CCDC7: variants seen among roughly 807,000 people sequenced by gnomAD.
CCDC7 encodes coiled-coil domain-containing protein 7.
A neutral mutation model predicts 196.9 loss-of-function variants in CCDC7; 183 were observed. That is an observed-to-expected ratio of 0.93 (90% CI 0.82 to 1.05). The LOEUF (loss-of-function observed/expected upper bound fraction) is 1.05, where lower values mean the gene tolerates loss of function less well. Among genes scored for constraint, CCDC7 ranks in the 50% least tolerant of loss-of-function variants. The pLI, the probability that CCDC7 is intolerant of heterozygous loss-of-function variation, is 0.00. For synonymous variants in CCDC7, 525 were observed against 484.6 expected, an observed-to-expected ratio of 1.08 and a Z score of -1.10; for missense variants, 1,540 against 1,482.2, an observed-to-expected ratio of 1.04 and a Z score of -0.64.
intron 36 of CCDC7, among the ~76,000 whole-genome samples, 162 bp downstream of exon 37, chr10:32,846,121 A>G (rs1442944792): frequency 1.3e-5 from 2 of 152,068 alleles, no homozygotes; most frequent in South Asian, 2.1e-4. Flanking sequence ...TCAATGCACA[A>G]TTAAAGAGTC....
intron 28 of CCDC7, among the ~76,000 whole-genome samples, chr10:32,772,872 C>T (rs2079387211): frequency 6.6e-6 from 1 of 152,096 alleles, no homozygotes; most frequent in African/African-American, 2.4e-5. Context: ...GACTGGGAGC[C>T]CTTCACCTGA....
chr10:32,654,133 G>T (rs1339156299), intron 20 of CCDC7, among the ~76,000 whole-genome samples: 2 of 151,870 alleles, frequency 1.3e-5, no homozygotes, highest in Non-Finnish European at 2.9e-5. Context: ...AGTTATTGTG[G>T]TTTTCAACTC....
At chr10:32,476,598 T>C (rs983720636) in intron 8 of CCDC7, among the ~76,000 whole-genome samples, 1 of 152,192 alleles carries the variant, frequency 6.6e-6, no homozygotes, top group Non-Finnish European at 1.5e-5. Context: ...TGCTAAGTCA[T>C]ATAATAAGAG....
At chr10:32,626,245 G>C (rs1319549749) in intron 18 of CCDC7, among the ~76,000 whole-genome samples, 1 of 151,890 alleles carries the variant, frequency 6.6e-6, no homozygotes, top group Non-Finnish European at 1.5e-5. Flanking sequence ...TGGTATTTTT[G>C]ATAATAGACA....
intron 33 of CCDC7, among the ~76,000 whole-genome samples, chr10:32,836,615 G>C (rs1222438302): frequency 6.6e-6 from 1 of 152,084 alleles, no homozygotes; most frequent in African/African-American, 2.4e-5. Context: ...GTTTTGATTT[G>C]CATTTCTCTA....
At chr10:32,619,598 T>C (rs2063155131) in intron 18 of CCDC7, among the ~76,000 whole-genome samples, 1 of 152,110 alleles carries the variant, frequency 6.6e-6, no homozygotes, top group African/African-American at 2.4e-5. Context: ...TAGACAATCT[T>C]ATACTTGAAT....
At chr10:32,483,292 GT>G (rs745741930) in intron 8 of CCDC7, among the ~76,000 whole-genome samples, 3 of 152,332 alleles carry the variant, frequency 2.0e-5, no homozygotes, top group South Asian at 4.1e-4. Context: ...CTGCATAAAA[GT>G]CTTCTTTTGA....
intron 11 of CCDC7, among the ~76,000 whole-genome samples, chr10:32,528,258 CTT>C (rs61234728): frequency 6.7e-6 from 1 of 148,700 alleles, no homozygotes; most frequent in African/African-American, 2.5e-5. Flanking sequence ...TAGCACGTTT[CTT>C]TTTTTTTTAA....
At chr10:32,868,180 G>A (rs1565761651) in intron 41 of CCDC7, among the ~76,000 whole-genome samples, 2 of 151,984 alleles carry the variant, frequency 1.3e-5, no homozygotes, top group South Asian at 2.1e-4. Flanking sequence ...GCTGACACTT[G>A]GGCTTCCTCT....
intron 29 of CCDC7, among the ~76,000 whole-genome samples, chr10:32,796,283 A>C (rs186239851): frequency 8.7e-4 from 132 of 152,162 alleles, no homozygotes; most frequent in African/African-American, 3.1e-3. Flanking sequence ...GGGGAAAGGG[A>C]GTAAAGCCAG....
intron 27 of CCDC7, 89 bp downstream of exon 28, chr10:32,729,086 C>T: frequency 1.0e-6 from 1 of 952,462 alleles, no homozygotes. Context: ...GTACTTCAGA[C>T]TATATTTCAT....
intron 28 of CCDC7, among the ~76,000 whole-genome samples, chr10:32,743,979 G>A (rs1280945560): frequency 2.8e-4 from 35 of 124,184 alleles, no homozygotes; most frequent in African/African-American, 1.0e-3. Context: ...CACACACCGG[G>A]GCCTGTTGTG....
At chr10:32,544,914 T>G (rs2052162258) in intron 13 of CCDC7, among the ~76,000 whole-genome samples, 4 of 152,142 alleles carry the variant, frequency 2.6e-5, no homozygotes, top group Admixed American at 2.6e-4. Context: ...TACGTTTTAT[T>G]CAAAGGATAA....
At chr10:32,638,320 G>A (rs1414499166) in intron 20 of CCDC7, among the ~76,000 whole-genome samples, 3 of 152,136 alleles carry the variant, frequency 2.0e-5, no homozygotes, top group African/African-American at 7.2e-5. Context: ...GTTTTCAAAG[G>A]GAATGCTTCC....
intron 23 of CCDC7, among the ~76,000 whole-genome samples, chr10:32,691,259 A>C (rs2077046214): frequency 6.6e-6 from 1 of 152,144 alleles, no homozygotes; most frequent in South Asian, 2.1e-4. Flanking sequence ...GGGTCATCGC[A>C]TTCTGGATTT....
chr10:32,498,852 CA>C (rs1474309685), intron 9 of CCDC7, among the ~76,000 whole-genome samples: 3 of 150,408 alleles, frequency 2.0e-5, no homozygotes, highest in African/African-American at 7.3e-5. Context: ...GTGAATCTGA[CA>C]ATTATGTGTC....
intron 33 of CCDC7, among the ~76,000 whole-genome samples, chr10:32,839,991 A>G (rs962609029): frequency 6.6e-6 from 1 of 152,240 alleles, no homozygotes; most frequent in South Asian, 2.1e-4. Context: ...AACCTCTGGG[A>G]TACAGCAAAA....
chr10:32,460,342 A>G (rs1367089888), intron 3 of CCDC7, among the ~76,000 whole-genome samples: 1 of 152,210 alleles, frequency 6.6e-6, no homozygotes, highest in Admixed American at 6.5e-5. Context: ...ACAGTGGATC[A>G]GTTTTTATTT....
At chr10:32,613,044 T>C (rs996390007) in intron 18 of CCDC7, among the ~76,000 whole-genome samples, 4 of 152,136 alleles carry the variant, frequency 2.6e-5, no homozygotes, top group African/African-American at 9.7e-5. Context: ...CTGTGAAACA[T>C]GTGGTCCTGA....
Sources: allele counts gnomAD v4.1 joint callset (sites outside exome capture counted in the v4.1 genomes callset), GRCh38; gene constraint gnomAD v4.1.1; transcripts MANE v1.5; gene names NCBI Gene and HGNC (gene_info 2026-07-23, HGNC 2026-07-21).